The following BMPR1A variants were observed in gnomAD, a reference collection of about 807,000 sequenced individuals.
The protein encoded by BMPR1A is bone morphogenetic protein receptor type 1A.
Under a neutral mutation model 66.0 loss-of-function variants are expected in BMPR1A, and 7 were observed. The observed-to-expected ratio is 0.11, with a 90% CI of 0.06 to 0.20. The LOEUF is 0.20. BMPR1A is among the 10% of genes least tolerant of loss of function. The pLI, the probability that BMPR1A is intolerant of heterozygous loss-of-function variation, is 1.00. For missense variants in BMPR1A, 408 were observed against 669.1 expected, an observed-to-expected ratio of 0.61 and a Z score of 4.31; for synonymous variants, 200 against 229.7, an observed-to-expected ratio of 0.87 and a Z score of 1.17.
chr10:86,767,340 T>C (rs1807984120), intron 1 of BMPR1A, among the ~76,000 whole-genome samples: 1 of 152,186 alleles, frequency 6.6e-6, no homozygotes, highest in Non-Finnish European at 1.5e-5. Flanking sequence ...TGTTCAGATA[T>C]TTGTATCTGT....
intron 7 of BMPR1A, among the ~76,000 whole-genome samples, chr10:86,911,262 G>A (rs941910924): frequency 6.6e-6 from 1 of 151,656 alleles, no homozygotes; most frequent in African/African-American, 2.4e-5. Flanking sequence ...TAAAGATGAA[G>A]TAATTTGTCT....
At chr10:86,929,598 T>G (rs1328236402), downstream of BMPR1A, 1 of 152,222 alleles carries the variant, frequency 6.6e-6, no homozygotes, top group African/African-American at 2.4e-5. Context: ...TCTTACAGAT[T>G]CCTCACGGGA....
In BMPR1A at chr10:86,838,887, T is replaced by A. The variant is rs1421988802; in HGVS notation, c.-245T>A. ...CAGACTTATGAAAATATGCATCAGT[T>A]TAATACTGTCTTGGAATTCATGAGA... On this transcript the variant is annotated 5_prime_UTR_variant, in exon 2 of 13. Transcript: ENST00000372037. The A allele has an allele frequency of 1.3e-5, 2 of 152,192 alleles. No individual in the cohort carries two copies. Among genetic ancestry groups the A allele is most frequent in the African/African-American group, 4.8e-5 (2 of 41,440 alleles). The allele number at this position is 152,192 out of a possible 1,614,324, so 9.4% of individuals were successfully genotyped here.
chr10:86,903,783 A>G (rs567954015), intron 7 of BMPR1A, among the ~76,000 whole-genome samples: 73 of 151,668 alleles, frequency 4.8e-4, no homozygotes, highest in African/African-American at 1.7e-3. Context: ...AAGTTTTTGT[A>G]TTTTTAGTAG....
intron 1 of BMPR1A, among the ~76,000 whole-genome samples, chr10:86,829,607 C>A (rs1289203980): frequency 6.6e-6 from 1 of 152,198 alleles, no homozygotes; most frequent in African/African-American, 2.4e-5. Flanking sequence ...CCATGGCAGC[C>A]AGTAATCTGC....
intron 1 of BMPR1A, among the ~76,000 whole-genome samples, chr10:86,817,936 A>C (rs1316822632): frequency 6.6e-6 from 1 of 152,248 alleles, no homozygotes; most frequent in Admixed American, 6.5e-5. Context: ...ACTTCTTAGG[A>C]ACGTTGATGC....
intron 1 of BMPR1A, among the ~76,000 whole-genome samples, chr10:86,760,215 C>T (rs1346356717): frequency 3.5e-4 from 26 of 74,136 alleles, no homozygotes; most frequent in East Asian, 4.6e-4. Flanking sequence ...TTTTTAATAC[C>T]TTATTGTTTT....
chr10:86,865,107 C>T (rs1029524260), intron 2 of BMPR1A, among the ~76,000 whole-genome samples: 1 of 137,468 alleles, frequency 7.3e-6, no homozygotes, highest in Non-Finnish European at 1.5e-5. Flanking sequence ...TGCACATATA[C>T]GCCCAGATGG....
intron 2 of BMPR1A, among the ~76,000 whole-genome samples, chr10:86,850,274 T>C (rs1842549458): frequency 6.6e-6 from 1 of 150,736 alleles, no homozygotes; most frequent in South Asian, 2.1e-4. Context: ...TGAGCTGAGA[T>C]AGCGCCACCG....
downstream of BMPR1A, chr10:86,931,290 C>CACACAT (rs1843807017): frequency 1.2e-5 from 1 of 86,678 alleles, no homozygotes; most frequent in Non-Finnish European, 1.9e-5. Flanking sequence ...TACACACACA[C>CACACAT]ACACACACAT....
chr10:86,761,057 CA>C (rs1002805350), intron 1 of BMPR1A, among the ~76,000 whole-genome samples: 1 of 152,144 alleles, frequency 6.6e-6, no homozygotes, highest in Non-Finnish European at 1.5e-5. Context: ...TCTCCCTAAT[CA>C]AAGCTCTTGG....
rs1338275892 is a variant in BMPR1A at position 86,839,562 on chromosome 10, C to G, written c.-153+583C>G. ...GAGCTGAGATCATGCCGCTGTACTC[C>G]ATTCTGGGCAACAGAGTGAGACTCT... On this transcript the variant is annotated intron_variant, in intron 2 of 12. Transcript: ENST00000372037. Among the ~76,000 whole-genome samples the G allele has an allele frequency of 2.4e-5, 3 of 123,706 alleles. No homozygotes were observed. In the East Asian group the frequency reaches 7.9e-4, roughly 32 times the overall value. 81.2% of individuals were successfully genotyped at this position (123,706 alleles called of 152,430 possible).
intron 1 of BMPR1A, among the ~76,000 whole-genome samples, chr10:86,828,036 C>G (rs777059378): frequency 6.6e-6 from 1 of 152,166 alleles, no homozygotes; most frequent in Non-Finnish European, 1.5e-5. Context: ...CCTGTAATCC[C>G]AGCCACTTGG....
intron 1 of BMPR1A, among the ~76,000 whole-genome samples, chr10:86,769,663 G>T (rs1484380197): frequency 6.6e-6 from 1 of 152,126 alleles, no homozygotes; most frequent in Non-Finnish European, 1.5e-5. Context: ...TGCCTAGCAG[G>T]GAGCACTGTA....
chr10:86,760,270 T>C (rs1315742118), intron 1 of BMPR1A, among the ~76,000 whole-genome samples: 1 of 140,360 alleles, frequency 7.1e-6, no homozygotes, highest in Non-Finnish European at 1.5e-5. Context: ...TTTTTTTTTT[T>C]TGATACAGAG....
At chr10:86,773,612 A>C (rs1202417104) in intron 1 of BMPR1A, among the ~76,000 whole-genome samples, 7 of 151,218 alleles carry the variant, frequency 4.6e-5, no homozygotes, top group Admixed American at 2.0e-4. Flanking sequence ...AAAAAAAAAA[A>C]AAAAACACAA....
intron 1 of BMPR1A, among the ~76,000 whole-genome samples, chr10:86,816,376 A>G (rs1438969924): frequency 6.6e-6 from 1 of 152,188 alleles, no homozygotes; most frequent in African/African-American, 2.4e-5. Context: ...TTAAAATTAT[A>G]CACGTGGTCA....
intron 1 of BMPR1A, among the ~76,000 whole-genome samples, chr10:86,835,879 T>C (rs1842338712): frequency 6.6e-6 from 1 of 152,210 alleles, no homozygotes; most frequent in Admixed American, 6.5e-5. Context: ...AATGAACTTT[T>C]TGTGTTTGTT....
At chr10:86,890,036 C>T (rs1156268707) in intron 3 of BMPR1A, 26 bp from the exon 4 acceptor site, 7 of 1,611,314 alleles carry the variant, frequency 4.3e-6, no homozygotes, top group Non-Finnish European at 5.1e-6. Flanking sequence ...AAATGATTTA[C>T]TTACAAATTC....
Sources: gnomAD v4.1 joint callset for allele counts (sites outside exome capture counted in the v4.1 genomes callset) on GRCh38, gnomAD v4.1.1 for gene constraint, MANE v1.5 for transcripts, NCBI Gene and HGNC (gene_info 2026-07-23, HGNC 2026-07-21) for gene names.